LMTK2: variants seen among roughly 807,000 people sequenced by gnomAD.
LMTK2 encodes the protein serine/threonine-protein kinase LMTK2.
LMTK2 carries 37 observed loss-of-function variants against 127.5 expected under a neutral mutation model. The ratio of observed to expected loss-of-function variants is 0.29; its 90% confidence interval spans 0.22 to 0.38. The LOEUF (loss-of-function observed/expected upper bound fraction) is 0.38. LMTK2 is among the 10% of genes least tolerant of loss of function. The probability of loss-of-function intolerance (pLI) is 1.00; values close to 1 mark genes in which losing one functional copy is unlikely to be tolerated. For missense variants in LMTK2, 1,694 were observed against 1,920.3 expected, an observed-to-expected ratio of 0.88 and a Z score of 2.20; for synonymous variants, 819 against 810.1, an observed-to-expected ratio of 1.01 and a Z score of -0.19.
intron 7 of LMTK2, among the ~76,000 whole-genome samples, chr7:98,182,932 G>A (rs999269715): frequency 1.3e-5 from 2 of 152,156 alleles, no homozygotes; most frequent in African/African-American, 4.8e-5. Flanking sequence ...GGGAGGGGGC[G>A]ATCAGATTCC....
At chr7:98,109,705 C>T (rs1414592285) in intron 1 of LMTK2, among the ~76,000 whole-genome samples, 1 of 141,900 alleles carries the variant, frequency 7.0e-6, no homozygotes, top group Non-Finnish European at 1.5e-5. Flanking sequence ...GATTGTGCCA[C>T]TGCATCATAG....
chr7:98,140,210 C>T (rs1285187018), intron 2 of LMTK2, among the ~76,000 whole-genome samples: 1 of 147,106 alleles, frequency 6.8e-6, no homozygotes, highest in Non-Finnish European at 1.5e-5. Context: ...GAGATGGTCT[C>T]GCTCTATCAC....
At chr7:98,190,997 A>G (rs1334825702) in intron 10 of LMTK2, 120 bp downstream of exon 10, 2 of 960,876 alleles carry the variant, frequency 2.1e-6, no homozygotes, top group Non-Finnish European at 3.2e-6. Flanking sequence ...CCATGATGTC[A>G]CCATGAGCTG....
chr7:98,164,473 T>C (rs780770865), intron 6 of LMTK2, among the ~76,000 whole-genome samples: 2 of 152,206 alleles, frequency 1.3e-5, no homozygotes, highest in Non-Finnish European at 2.9e-5. Context: ...AAAATGGCAG[T>C]AATACTGTCT....
intron 5 of LMTK2, among the ~76,000 whole-genome samples, chr7:98,155,938 A>T (rs556819706): frequency 1.1e-4 from 16 of 152,214 alleles, no homozygotes. Flanking sequence ...GACGAGCCAC[A>T]GACTGGGAGA....
At chr7:98,173,223 G>T (rs931854500) in intron 7 of LMTK2, among the ~76,000 whole-genome samples, 2 of 152,108 alleles carry the variant, frequency 1.3e-5, no homozygotes, top group African/African-American at 4.8e-5. Flanking sequence ...TTCAAGGGGG[G>T]ACAGAGGAAA....
At chr7:98,117,083 G>A (rs555530223) in intron 1 of LMTK2, among the ~76,000 whole-genome samples, 1 of 152,326 alleles carries the variant, frequency 6.6e-6, no homozygotes, top group Non-Finnish European at 1.5e-5. Flanking sequence ...GTGTTTGTCA[G>A]CTTTCACCCT....
intron 1 of LMTK2, among the ~76,000 whole-genome samples, chr7:98,115,953 A>G (rs1484459194): frequency 6.6e-6 from 1 of 151,978 alleles, no homozygotes; most frequent in Non-Finnish European, 1.5e-5. Context: ...GTGAACTGTC[A>G]TGGTTTACTG....
intron 1 of LMTK2, among the ~76,000 whole-genome samples, chr7:98,116,426 G>A (rs896001107): frequency 5.3e-5 from 7 of 133,276 alleles, no homozygotes; most frequent in East Asian, 8.9e-4. Flanking sequence ...GTGTTTGTGC[G>A]TGTGTGTGTG....
Position 98,176,547 on chromosome 7 carries a change from G to GA in LMTK2, c.791+4880dup, listed in dbSNP as rs1562915388. Among the ~76,000 whole-genome samples, 9 of 152,036 alleles carry GA rather than the reference G, an allele frequency of 5.9e-5. No individual in the cohort carries two copies. The South Asian group carries it at 1.7e-3, about 28-fold the overall frequency. ...GGCCCAAGAAATAAGGGGGAAAAAA[G>GA]AAAAAAATAATAATAGGCCAGGCAC... On this transcript the variant is annotated intron_variant, in intron 7 of 13. Transcript: ENST00000297293.
chr7:98,108,668 A>G (rs538265389), intron 1 of LMTK2, among the ~76,000 whole-genome samples: 3 of 152,328 alleles, frequency 2.0e-5, no homozygotes, highest in East Asian at 3.9e-4. Context: ...ATGAAAGATT[A>G]TGTGGAAGGA....
chr7:98,200,283 C>T (rs1191623375), intron 11 of LMTK2, among the ~76,000 whole-genome samples: 1 of 152,160 alleles, frequency 6.6e-6, no homozygotes, highest in African/African-American at 2.4e-5. Context: ...TACATGTACA[C>T]TGATAACTCC....
In LMTK2 at chr7:98,178,078, G is replaced by A. The variant is rs543738360; in HGVS notation, c.791+6404G>A. 8.7e-4 allele frequency among the ~76,000 whole-genome samples: 132 copies of A among 152,212 alleles called. 1 individual carries two copies. Among genetic ancestry groups the A allele is most frequent in the African/African-American group, 3.0e-3 (124 of 41,526 alleles). On this transcript the variant is annotated intron_variant, in intron 7 of 13. Transcript: ENST00000297293. ...TATAAGCCTGGTTATTTCATCCTTC[G>A]GAGCTCTATCTCTTCTATAAAATGG...
At chr7:98,201,425 C>T (rs1218952852) in intron 11 of LMTK2, among the ~76,000 whole-genome samples, 1 of 152,152 alleles carries the variant, frequency 6.6e-6, no homozygotes, top group Non-Finnish European at 1.5e-5. Flanking sequence ...ACACTTTGGG[C>T]GTCATGTCAG....
chr7:98,152,766 CT>C (rs1050294980), intron 4 of LMTK2, among the ~76,000 whole-genome samples: 1 of 152,002 alleles, frequency 6.6e-6, no homozygotes, highest in Non-Finnish European at 1.5e-5. Flanking sequence ...ATTGAGTTAC[CT>C]TTTTAAAAGG....
chr7:98,116,885 G>A (rs1033771113), intron 1 of LMTK2, among the ~76,000 whole-genome samples: 1 of 152,166 alleles, frequency 6.6e-6, no homozygotes, highest in Non-Finnish European at 1.5e-5. Flanking sequence ...AGTACTGACT[G>A]GTCAGATATT....
chr7:98,146,317 C>A (rs1249943970), intron 3 of LMTK2, among the ~76,000 whole-genome samples: 2 of 152,132 alleles, frequency 1.3e-5, no homozygotes, highest in African/African-American at 4.8e-5. Context: ...GGATTTCTTA[C>A]AATTCCAACT....
chr7:98,199,037 G>A (rs970710308), intron 11 of LMTK2, among the ~76,000 whole-genome samples: 5 of 151,976 alleles, frequency 3.3e-5, no homozygotes, highest in Non-Finnish European at 7.4e-5. Context: ...GTATCTTTTT[G>A]TTATTAAATT....
chr7:98,141,998 AAAAAATAGAATGTGACTAG>A lies in LMTK2; in HGVS notation c.376+476_376+494del, dbSNP rs1400104293. On this transcript the variant is annotated intron_variant, in intron 3 of 13. Transcript: ENST00000297293. The stretch of plus-strand genomic sequence containing the variant: ...GTTCTGTGTTAGTTGATGTCTTGTG[AAAAAATAGAATGTGACTAG>A]AAAAATAGAATGTGACTATAGTTTT... 5.3e-5 allele frequency among the ~76,000 whole-genome samples: 8 copies of A among 152,214 alleles called. No individual in the cohort carries two copies. In the South Asian group the frequency reaches 6.2e-4, roughly 12 times the overall value.
Sources: gnomAD v4.1 joint callset for allele counts (sites outside exome capture counted in the v4.1 genomes callset) on GRCh38, gnomAD v4.1.1 for gene constraint, MANE v1.5 for transcripts, NCBI Gene and HGNC (gene_info 2026-07-23, HGNC 2026-07-21) for gene names.